Variants in PAPSS1 observed in about 807,000 individuals in gnomAD.
PAPSS1 encodes 3'-phosphoadenosine 5'-phosphosulfate synthase 1.
In PAPSS1, 50 loss-of-function variants were observed where a neutral mutation model predicts 72.0. The ratio of observed to expected loss-of-function variants is 0.69; its 90% CI spans 0.55 to 0.88. PAPSS1 has a LOEUF of 0.88. Ranked by LOEUF, PAPSS1 falls within the 40% of genes least tolerant of loss-of-function variation. The probability of loss-of-function intolerance (pLI) is 0.00; values close to 1 mark genes in which losing one functional copy is unlikely to be tolerated. For missense variants in PAPSS1, 657 were observed against 782.2 expected, an observed-to-expected ratio of 0.84 and a Z score of 1.91; for synonymous variants, 261 against 263.6, an observed-to-expected ratio of 0.99 and a Z score of 0.09.
intron 5 of PAPSS1, among the ~76,000 whole-genome samples, chr4:107,665,979 T>C (rs1727306024): frequency 6.6e-6 from 1 of 152,224 alleles, no homozygotes; most frequent in Non-Finnish European, 1.5e-5. Context: ...CTGTACTTTT[T>C]TCTTGAGCCA....
At chr4:107,620,133 T>C (rs982769587) in intron 11 of PAPSS1, among the ~76,000 whole-genome samples, 1 of 152,256 alleles carries the variant, frequency 6.6e-6, no homozygotes, top group African/African-American at 2.4e-5. Context: ...TGAAGGTTCA[T>C]ATTCGATTAG....
At chr4:107,705,142 G>A (rs1000649188) in intron 1 of PAPSS1, among the ~76,000 whole-genome samples, 4 of 152,150 alleles carry the variant, frequency 2.6e-5, no homozygotes, top group African/African-American at 9.7e-5. Context: ...GTCCTTTTGT[G>A]GCTTTGGTAT....
At chr4:107,686,895 T>G in intron 4 of PAPSS1, 144 bp downstream of exon 4, 3 of 757,674 alleles carry the variant, frequency 4.0e-6, no homozygotes, top group Non-Finnish European at 6.4e-6. Flanking sequence ...GCCTGAGAGA[T>G]AGAACAGTGT....
intron 10 of PAPSS1, among the ~76,000 whole-genome samples, chr4:107,633,593 G>A (rs72673578): frequency 0.086 from 13,092 of 152,108 alleles, 704 homozygotes; most frequent in South Asian, 0.2. Flanking sequence ...TGGGGTGGGG[G>A]GTGGTGGATG....
chr4:107,625,215 A>G (rs1029563891), intron 11 of PAPSS1, among the ~76,000 whole-genome samples: 1 of 152,210 alleles, frequency 6.6e-6, no homozygotes. Context: ...CATAGCCCCA[A>G]TGACCTTTGT....
intron 5 of PAPSS1, 95 bp from the exon 6 acceptor site, chr4:107,660,167 C>A: frequency 3.1e-6 from 2 of 642,560 alleles, no homozygotes; most frequent in South Asian, 4.2e-5. Flanking sequence ...CAAAATAAAA[C>A]CAAAAAGTAG....
At chr4:107,654,580 T>C in intron 8 of PAPSS1, 115 bp downstream of exon 8, 1 of 826,304 alleles carries the variant, frequency 1.2e-6, no homozygotes, top group Non-Finnish European at 2.0e-6. Context: ...GTCCAATCTC[T>C]ACTATGCAAA....
intron 4 of PAPSS1, among the ~76,000 whole-genome samples, chr4:107,684,479 A>G (rs565334969): frequency 6.6e-6 from 1 of 152,220 alleles, no homozygotes; most frequent in Non-Finnish European, 1.5e-5. Flanking sequence ...TTTATTAACA[A>G]AACTATATTT....
chr4:107,655,760 A>G (rs1280100235), intron 7 of PAPSS1, among the ~76,000 whole-genome samples: 1 of 152,236 alleles, frequency 6.6e-6, no homozygotes, highest in Middle Eastern at 3.2e-3. Flanking sequence ...TGTAACATGG[A>G]AAATGAATAG....
chr4:107,696,978 A>G (rs187137040), intron 2 of PAPSS1, among the ~76,000 whole-genome samples: 17 of 152,310 alleles, frequency 1.1e-4, no homozygotes, highest in African/African-American at 4.1e-4. Context: ...AGCCAAAAGA[A>G]TGTAGTGAAA....
At chr4:107,672,375 G>A (rs762881705) in intron 5 of PAPSS1, among the ~76,000 whole-genome samples, 2 of 152,184 alleles carry the variant, frequency 1.3e-5, no homozygotes, top group Non-Finnish European at 2.9e-5. Flanking sequence ...CCCTAATGCC[G>A]CACTTTTCCA....
rs528383608 is a variant in PAPSS1, at chr4:107,629,690, T to C, written c.1736+1941A>G. ...AATGACTACTAAGAGGCAGAAGTGG[T>C]CCAGTCAAAGCAAAAGTGAACCAGT... is the stretch of plus-strand genomic sequence containing the variant. On this transcript the variant is annotated intron_variant, in intron 11 of 11. Transcript: ENST00000265174. Among the ~76,000 whole-genome samples the C allele has an allele frequency of 4.6e-5, 7 of 152,238 alleles. No individual in the cohort carries two copies. In the East Asian group the frequency reaches 9.7e-4, roughly 21 times the overall value.
At chr4:107,681,809 C>T (rs931908392) in intron 5 of PAPSS1, among the ~76,000 whole-genome samples, 10 of 152,206 alleles carry the variant, frequency 6.6e-5, no homozygotes, top group South Asian at 4.1e-4. Context: ...TTTATACTGA[C>T]GGGGATATTT....
At position 107,675,111 on chromosome 4, in the gene PAPSS1, G is replaced by T. The variant is rs539531516; in HGVS notation, c.669+6904C>A. Among the ~76,000 whole-genome samples the T allele has an allele frequency of 1.7e-3, 259 of 152,016 alleles. 1 individual carries two copies. Among genetic ancestry groups the T allele is most frequent in the Non-Finnish European group, 3.1e-3 (214 of 67,942 alleles). ...GATCTAAAATGGACACCCTAACATC[G>T]CAATTAAAAGAACTAGAGAAGCAAG... On this transcript the variant is annotated intron_variant, in intron 5 of 11. Coordinates refer to ENST00000265174, the MANE Select transcript of PAPSS1 (RefSeq NM_005443.5).
chr4:107,678,158 C>T (rs1306508971), intron 5 of PAPSS1, among the ~76,000 whole-genome samples: 1 of 151,212 alleles, frequency 6.6e-6, no homozygotes, highest in East Asian at 1.9e-4. Flanking sequence ...GCACGTTGTG[C>T]ACATGTACCC....
intron 2 of PAPSS1, among the ~76,000 whole-genome samples, chr4:107,700,264 A>G (rs1723173719): frequency 6.6e-6 from 1 of 152,214 alleles, no homozygotes; most frequent in Non-Finnish European, 1.5e-5. Flanking sequence ...GTAGGAGAGT[A>G]AACTGGGATA....
chr4:107,647,153 G>A (rs143973715), intron 9 of PAPSS1, among the ~76,000 whole-genome samples: 6 of 152,316 alleles, frequency 3.9e-5, no homozygotes, highest in Non-Finnish European at 5.9e-5. Context: ...TTACAGTCTA[G>A]TCAGAGCAGG....
chr4:107,671,641 T>C (rs1727470523), intron 5 of PAPSS1, among the ~76,000 whole-genome samples: 1 of 152,112 alleles, frequency 6.6e-6, no homozygotes, highest in Admixed American at 6.5e-5. Flanking sequence ...CATCCCTCAG[T>C]ATCTGAGAGG....
chr4:107,699,598 T>A (rs1367341036), intron 2 of PAPSS1, among the ~76,000 whole-genome samples: 1 of 152,038 alleles, frequency 6.6e-6, no homozygotes, highest in Non-Finnish European at 1.5e-5. Context: ...CAACTGCAGA[T>A]AAGGACCTAA....
Sources: allele counts gnomAD v4.1 joint callset (sites outside exome capture counted in the v4.1 genomes callset), GRCh38; gene constraint gnomAD v4.1.1; transcripts MANE v1.5; gene names NCBI Gene and HGNC (gene_info 2026-07-23, HGNC 2026-07-21).